PHF6: variants seen among roughly 807,000 people sequenced by gnomAD.
PHF6 encodes PHD finger protein 6, also known as PHD-like zinc finger protein.
PHF6 carries 7 observed loss-of-function variants against 34.0 expected under a neutral mutation model. The ratio of observed to expected loss-of-function variants is 0.21; its 90% confidence interval spans 0.12 to 0.39. The LOEUF (loss-of-function observed/expected upper bound fraction) is 0.39, where lower values mean the gene tolerates loss of function less well. PHF6 is among the 10% of genes least tolerant of loss of function. The probability of loss-of-function intolerance (pLI) is 1.00; values close to 1 mark genes in which losing one functional copy is unlikely to be tolerated. For missense variants in PHF6, 128 were observed against 262.8 expected (o/e 0.49, Z 3.55); for synonymous variants, 89 against 88.4 (o/e 1.01, Z -0.04).
intron 8 of PHF6, among the ~76,000 whole-genome samples, chrX:134,416,240 G>T (rs1278313457): frequency 9.0e-6 from 1 of 111,247 alleles, no homozygotes. Context: ...GATTACAGGC[G>T]TGAGCACCCG....
intron 3 of PHF6, among the ~76,000 whole-genome samples, chrX:134,393,096 C>CA (rs1204164821): frequency 8.9e-6 from 1 of 112,106 alleles, no homozygotes; most frequent in African/African-American, 3.2e-5. Context: ...CCGCACTTAG[C>CA]AATTAAGTGG....
intron 5 of PHF6, among the ~76,000 whole-genome samples, chrX:134,405,080 CT>C (rs2077417383): frequency 8.9e-6 from 1 of 111,818 alleles, no homozygotes; most frequent in East Asian, 2.8e-4. Flanking sequence ...CTTCCACCTG[CT>C]TTTATCACCA....
intron 3 of PHF6, among the ~76,000 whole-genome samples, chrX:134,389,380 A>G (rs890266364): frequency 1.8e-5 from 2 of 111,455 alleles, no homozygotes; most frequent in African/African-American, 6.5e-5. Context: ...TGAGGGAGCC[A>G]TGGATACTGT....
intron 3 of PHF6, among the ~76,000 whole-genome samples, chrX:134,380,920 G>A (rs1025132084): frequency 1.8e-5 from 2 of 111,547 alleles, no homozygotes; most frequent in African/African-American, 6.5e-5. Context: ...GTGCGATCTC[G>A]GCTCACTGCA....
Position 134,428,495 on chromosome X carries a change from G to A in PHF6, c.*2835G>A, listed in dbSNP as rs757635749. On this transcript the variant is annotated 3_prime_UTR_variant, in exon 11 of 11. Coordinates refer to ENST00000370803, the MANE Select transcript of PHF6 (RefSeq NM_001015877.2). ...TCAGAATCTGTGTACTTGAACAAAT[G>A]TGTGAATCTCAAATATCTCAAAGCA... The A allele has an allele frequency of 3.8e-5, 6 of 157,824 alleles. No homozygotes were observed. Among genetic ancestry groups the A allele is most frequent in the Non-Finnish European group, 7.4e-5 (6 of 81,041 alleles). 13.0% of individuals were successfully genotyped at this position (157,824 alleles called of 1,213,427 possible).
rs1178926591 is a variant in PHF6 at position 134,428,521 on chromosome X, A to G, written c.*2861A>G. On this transcript the variant is annotated 3_prime_UTR_variant, in exon 11 of 11. Coordinates refer to ENST00000370803, the MANE Select transcript of PHF6 (RefSeq NM_001015877.2). ...TGTGAATCTCAAATATCTCAAAGCA[A>G]AAGAAAAAGTGTTCTAGAGTGTTGT... The G allele has an allele frequency of 6.4e-6, 1 of 156,923 alleles. No individual in the cohort carries two copies. The highest frequency in any genetic ancestry group is 3.0e-5 in the African/African-American group (1 of 33,007). The allele number at this position is 156,923 out of a possible 1,213,427, so 12.9% of individuals were successfully genotyped here.
intron 5 of PHF6, among the ~76,000 whole-genome samples, chrX:134,397,098 A>G (rs939627889): frequency 1.9e-5 from 2 of 107,276 alleles, no homozygotes; most frequent in South Asian, 3.8e-4. Flanking sequence ...GAATAATTGC[A>G]TAATATAGCA....
chrX:134,416,628 T>C (rs773331604), intron 8 of PHF6, among the ~76,000 whole-genome samples: 1 of 112,175 alleles, frequency 8.9e-6, no homozygotes, highest in African/African-American at 3.2e-5. Flanking sequence ...TTTCTCAAAC[T>C]TATTTGACTT....
chrX:134,422,112 G>A (rs1276378310), intron 9 of PHF6, among the ~76,000 whole-genome samples: 2 of 110,046 alleles, frequency 1.8e-5, no homozygotes, highest in African/African-American at 6.6e-5. Flanking sequence ...TTGTGCAGAC[G>A]AGATTTCACC....
At chrX:134,381,833 G>T (rs1023342505) in intron 3 of PHF6, among the ~76,000 whole-genome samples, 1 of 111,295 alleles carries the variant, frequency 9.0e-6, no homozygotes, top group African/African-American at 3.3e-5. Context: ...GAGCCTGTTT[G>T]CTTTGGCTCC....
chrX:134,395,895 C>A (rs1289108541), intron 5 of PHF6, among the ~76,000 whole-genome samples: 1 of 111,505 alleles, frequency 9.0e-6, no homozygotes, highest in East Asian at 2.8e-4. Flanking sequence ...CGGAAAAAAC[C>A]TTAGTAGTGC....
intron 10 of PHF6, 49 bp downstream of exon 10, chrX:134,425,379 T>A (rs370605704): frequency 8.5e-7 from 1 of 1,175,467 alleles, no homozygotes; most frequent in African/African-American, 1.7e-5. Flanking sequence ...CAATACACAC[T>A]GATATATACA....
At chrX:134,416,942 G>A (rs753823164) in intron 8 of PHF6, among the ~76,000 whole-genome samples, 3 of 112,130 alleles carry the variant, frequency 2.7e-5, no homozygotes, top group South Asian at 3.7e-4. Context: ...TTAGATGTCA[G>A]ACCTGGGATG....
At chrX:134,382,832 T>C (rs2077313457) in intron 3 of PHF6, among the ~76,000 whole-genome samples, 1 of 110,818 alleles carries the variant, frequency 9.0e-6, no homozygotes, top group Admixed American at 9.7e-5. Context: ...CAGATAGCTA[T>C]TATTCTAATT....
intron 9 of PHF6, among the ~76,000 whole-genome samples, chrX:134,421,904 A>G (rs748432490): frequency 8.4e-5 from 9 of 106,739 alleles, no homozygotes; most frequent in Non-Finnish European, 1.2e-4. Flanking sequence ...ACATTAAACA[A>G]TTTTACATCT....
At chrX:134,383,255 T>A (rs1160965925) in intron 3 of PHF6, among the ~76,000 whole-genome samples, 2 of 109,290 alleles carry the variant, frequency 1.8e-5, no homozygotes, top group African/African-American at 6.7e-5. Context: ...AAAAAAAAAT[T>A]TTTTTTTGCC....
rs878894209 is a variant in PHF6 at position 134,428,492 on chromosome X, A to G, written c.*2832A>G. 1 of 157,869 alleles carries G rather than the reference A, an allele frequency of 6.3e-6. No individual in the cohort carries two copies. Among genetic ancestry groups the G allele is most frequent in the South Asian group, 3.3e-4 (1 of 3,075 alleles). 13.0% of individuals were successfully genotyped at this position (157,869 alleles called of 1,213,427 possible). On this transcript the variant is annotated 3_prime_UTR_variant, in exon 11 of 11. Transcript: ENST00000370803. ...GAATCAGAATCTGTGTACTTGAACAAATGTGTGAATCTCAAATATCTCAAA... is the reference window on the plus strand; with the variant it reads ...GAATCAGAATCTGTGTACTTGAACAGATGTGTGAATCTCAAATATCTCAAA...
intron 5 of PHF6, among the ~76,000 whole-genome samples, chrX:134,405,806 A>G (rs977891591): frequency 1.1e-3 from 96 of 89,315 alleles, no homozygotes; most frequent in African/African-American, 4.1e-3. Context: ...ATGTGTATGT[A>G]TATATATATA....
chrX:134,396,761 A>C (rs2077379036), intron 5 of PHF6, among the ~76,000 whole-genome samples: 1 of 110,872 alleles, frequency 9.0e-6, no homozygotes, highest in Admixed American at 9.7e-5. Context: ...CTTTGTCAGA[A>C]ACAGAACTTC....
Sources: gnomAD v4.1 joint callset for allele counts (sites outside exome capture counted in the v4.1 genomes callset) on GRCh38, gnomAD v4.1.1 for gene constraint, MANE v1.5 for transcripts, NCBI Gene and HGNC (gene_info 2026-07-23, HGNC 2026-07-21) for gene names.